Variants in LPIN2 observed in about 807,000 individuals in gnomAD.
LPIN2 encodes lipin 2, also known as phosphatidate phosphatase LPIN2.
A neutral mutation model predicts 111.4 loss-of-function variants in LPIN2; 55 were observed. That is an observed-to-expected ratio of 0.49 (90% confidence interval 0.40 to 0.62). The LOEUF (loss-of-function observed/expected upper bound fraction) is 0.62, where lower values mean the gene tolerates loss of function less well. Ranked by LOEUF, LPIN2 falls within the 20% of genes least tolerant of loss-of-function variation. The probability of loss-of-function intolerance (pLI) is 0.00; values close to 1 mark genes in which losing one functional copy is unlikely to be tolerated. For missense variants in LPIN2, 992 were observed against 1,112.1 expected, an observed-to-expected ratio of 0.89 and a Z score of 1.54; for synonymous variants, 425 against 414.0, an observed-to-expected ratio of 1.03 and a Z score of -0.32.
At chr18:2,949,790 A>T (rs1321577004) in intron 4 of LPIN2, among the ~76,000 whole-genome samples, 1 of 152,334 alleles carries the variant, frequency 6.6e-6, no homozygotes, top group African/African-American at 2.4e-5. Context: ...ATTATAATAT[A>T]CTAATACTAC....
Position 2,920,100 on chromosome 18 carries a change from TC to T in LPIN2, c.*192del, listed in dbSNP as rs545652271. 3.9e-4 allele frequency: 268 copies of T among 689,064 alleles called. No homozygotes were observed. The highest frequency in any genetic ancestry group is 5.9e-4 in the Non-Finnish European group (239 of 403,876). The allele number at this position is 689,064 out of a possible 1,614,324, so 42.7% of individuals were successfully genotyped here. ...CCAGGCCCAGTTCCTCCCTTCTCCT[TC>T]CAGGAGCTGAGCTGCAGACCTGCCG... On this transcript the variant is annotated 3_prime_UTR_variant, in exon 20 of 20. Coordinates refer to ENST00000677752, the MANE Select transcript of LPIN2 (RefSeq NM_001375808.2).
chr18:2,949,755 C>T (rs1179198656), intron 4 of LPIN2, among the ~76,000 whole-genome samples: 2 of 152,144 alleles, frequency 1.3e-5, no homozygotes, highest in African/African-American at 4.8e-5. Context: ...AAGGATTATA[C>T]TATGTTATTC....
Position 2,951,375 on chromosome 18 carries a change from A to G in LPIN2, c.289-19T>C. On this transcript the variant is annotated intron_variant, in intron 3 of 19. Transcript: ENST00000677752. ...GCTTTTCCTTGAGGAGAATGGAGAA[A>G]GAAAAGTTATCCATGACAAACTCGA... 1 of 1,606,606 alleles carries G rather than the reference A, an allele frequency of 6.2e-7. No homozygotes were observed. Among genetic ancestry groups the G allele is most frequent in the Non-Finnish European group, 8.5e-7 (1 of 1,173,386 alleles).
chr18:2,984,415 A>G (rs111309009), intron 1 of LPIN2, among the ~76,000 whole-genome samples: 1 of 152,132 alleles, frequency 6.6e-6, no homozygotes, highest in Non-Finnish European at 1.5e-5. Context: ...TAAAAATTTA[A>G]ATCTCTTCAT....
rs1275239635 is a variant in LPIN2 at position 2,917,632 on chromosome 18, T to G, written c.*2661A>C. On this transcript the variant is annotated 3_prime_UTR_variant, in exon 20 of 20. Transcript: ENST00000677752. ...TCCAGTTGAAAACTATGCAGATGTT[T>G]TTAGACAGAGCAAAACACAACACAG... is the stretch of plus-strand genomic sequence containing the variant. The G allele has an allele frequency of 2.0e-5, 3 of 152,238 alleles. No individual in the cohort carries two copies. Among genetic ancestry groups the G allele is most frequent in the African/African-American group, 7.2e-5 (3 of 41,430 alleles). 9.4% of individuals were successfully genotyped at this position (152,238 alleles called of 1,614,324 possible).
chr18:2,922,544 T>A (rs1168307288), intron 16 of LPIN2, among the ~76,000 whole-genome samples: 2 of 152,212 alleles, frequency 1.3e-5, no homozygotes, highest in Non-Finnish European at 2.9e-5. Context: ...CCCAAAGTGC[T>A]GGGATTACAG....
chr18:2,945,827 A>G (rs1237953028), intron 4 of LPIN2: 2 of 1,459,214 alleles, frequency 1.4e-6, no homozygotes, highest in African/African-American at 2.8e-5. Flanking sequence ...TGGTAACTTC[A>G]CCTCCAGTCT....
At chr18:2,993,307 C>T (rs145566837) in intron 1 of LPIN2, among the ~76,000 whole-genome samples, 1 of 152,304 alleles carries the variant, frequency 6.6e-6, no homozygotes, top group African/African-American at 2.4e-5. Context: ...AATGTCAATA[C>T]AGTCCATAGT....
At chr18:2,921,244 C>T in intron 18 of LPIN2, 2 of 561,548 alleles carry the variant, frequency 3.6e-6, no homozygotes, top group Admixed American at 3.1e-5. Flanking sequence ...AAGGACGCAG[C>T]TCAGAACTGC....
At position 3,002,812 on chromosome 18, in the gene LPIN2, C is replaced by A. The variant is rs2078453750; in HGVS notation, c.-10+10275G>T. Among the ~76,000 whole-genome samples the A allele has an allele frequency of 5.3e-5, 8 of 152,346 alleles. No homozygotes were observed. The South Asian group carries it at 1.7e-3, about 32-fold the overall frequency. On this transcript the variant is annotated intron_variant, in intron 1 of 19. Coordinates refer to ENST00000677752, the MANE Select transcript of LPIN2 (RefSeq NM_001375808.2). ...CAAGACAGTTCCTCAGACTTTCCCA[C>A]AATCGCTCAAGCAGTACTCCCTTCT...
intron 7 of LPIN2, 86 bp downstream of exon 7, chr18:2,937,606 G>T: frequency 2.2e-6 from 2 of 904,380 alleles, no homozygotes; most frequent in Non-Finnish European, 3.5e-6. Flanking sequence ...TACAAATACA[G>T]AGGCAGCCAT....
intron 1 of LPIN2, among the ~76,000 whole-genome samples, chr18:3,001,068 A>G (rs2078428903): frequency 6.6e-6 from 1 of 152,212 alleles, no homozygotes; most frequent in Non-Finnish European, 1.5e-5. Context: ...AAGGAAAACT[A>G]TTTCCATTCT....
chr18:2,960,779 C>G lies in LPIN2; in HGVS notation c.62G>C (p.Gly21Ala), dbSNP rs2077700055. 1 of 1,614,098 alleles carries G rather than the reference C, an allele frequency of 6.2e-7. No homozygotes were observed. Among genetic ancestry groups the G allele is most frequent in the Non-Finnish European group, 8.5e-7 (1 of 1,180,022 alleles). Residue 21 changes from glycine (G) to alanine (A), a missense_variant, in exon 2 of 20, where the codon GGC (glycine) becomes GCC (alanine). Coordinates refer to ENST00000677752, the MANE Select transcript of LPIN2 (RefSeq NM_001375808.2). ...CCCAGAGAGGGTGGCCTGGTTAATG[C>G]CCTTGTAGAGTTCCTTCACAGTGAC... ...VIVTVKELYK[G>A]INQATLSGCI...
At chr18:2,994,885 C>G (rs2078318681) in intron 1 of LPIN2, among the ~76,000 whole-genome samples, 2 of 152,184 alleles carry the variant, frequency 1.3e-5, no homozygotes, top group South Asian at 4.1e-4. Context: ...ATTGATAAGC[C>G]TGTTCTGACT....
intron 13 of LPIN2, 49 bp downstream of exon 13, chr18:2,926,674 T>TG: frequency 1.3e-6 from 2 of 1,541,128 alleles, no homozygotes; most frequent in Non-Finnish European, 1.8e-6. Flanking sequence ...GTAATGGCCC[T>TG]GCTAGAGGGC....
intron 8 of LPIN2, among the ~76,000 whole-genome samples, chr18:2,934,006 T>C (rs572135846): frequency 8.5e-5 from 13 of 152,354 alleles, no homozygotes; most frequent in Admixed American, 7.8e-4. Flanking sequence ...GTGTTTCTTT[T>C]AAAACACATA....
intron 1 of LPIN2, among the ~76,000 whole-genome samples, chr18:2,993,235 A>G (rs1178890251): frequency 2.0e-5 from 3 of 152,160 alleles, no homozygotes; most frequent in Admixed American, 2.0e-4. Context: ...GAAAGAAAAA[A>G]GGTAGGAGAA....
At chr18:2,980,228 G>A (rs1005298600) in intron 1 of LPIN2, among the ~76,000 whole-genome samples, 4 of 152,162 alleles carry the variant, frequency 2.6e-5, no homozygotes, top group African/African-American at 7.2e-5. Context: ...CTTGTTCTAG[G>A]ACTCAGAACT....
chr18:2,986,275 C>T (rs972815996), intron 1 of LPIN2, among the ~76,000 whole-genome samples: 1 of 152,156 alleles, frequency 6.6e-6, no homozygotes. Flanking sequence ...ATATAGTTTA[C>T]TCAAGTTCCA....
Sources: allele counts gnomAD v4.1 joint callset (sites outside exome capture counted in the v4.1 genomes callset), GRCh38; gene constraint gnomAD v4.1.1; transcripts MANE v1.5; gene names NCBI Gene and HGNC (gene_info 2026-07-23, HGNC 2026-07-21).